Variants in NR1D2 observed in about 807,000 individuals in gnomAD.
NR1D2 encodes nuclear receptor subfamily 1 group D member 2, also known as V-erbA-related protein 1-related.
NR1D2 carries 25 observed loss-of-function variants against 52.2 expected under a neutral mutation model. The ratio of observed to expected loss-of-function variants is 0.48; its 90% CI spans 0.35 to 0.67. The LOEUF (loss-of-function observed/expected upper bound fraction) is 0.67. Ranked by LOEUF, NR1D2 falls within the 30% of genes least tolerant of loss-of-function variation. NR1D2 has a pLI of 0.01. For missense variants in NR1D2, 681 were observed against 707.2 expected, an observed-to-expected ratio of 0.96 and a Z score of 0.42; for synonymous variants, 259 against 230.1, an observed-to-expected ratio of 1.13 and a Z score of -1.14.
At chr3:23,959,320 A>G (rs1196670314) in intron 3 of NR1D2, among the ~76,000 whole-genome samples, 1 of 151,652 alleles carries the variant, frequency 6.6e-6, no homozygotes, top group Non-Finnish European at 1.5e-5. Context: ...TGGAATTTGT[A>G]GTGAATAAAA....
chr3:23,964,948 T>G, intron 5 of NR1D2, 29 bp from the exon 6 acceptor site: 1 of 1,474,490 alleles, frequency 6.8e-7, no homozygotes, highest in Admixed American at 2.0e-5. Flanking sequence ...TCTTAGTATT[T>G]AAGAGTTTTT....
intron 7 of NR1D2, among the ~76,000 whole-genome samples, chr3:23,970,689 A>T (rs542785439): frequency 2.6e-5 from 4 of 152,328 alleles, no homozygotes; most frequent in South Asian, 2.1e-4. Flanking sequence ...GTATGAACAT[A>T]TACAAGTACA....
At chr3:23,951,322 C>G (rs888238533) in intron 1 of NR1D2, among the ~76,000 whole-genome samples, 2 of 152,166 alleles carry the variant, frequency 1.3e-5, no homozygotes, top group African/African-American at 4.8e-5. Context: ...ACATCACTTT[C>G]TTATCTTTTA....
chr3:23,979,178 G>A lies in NR1D2; in HGVS notation c.*1759G>A, dbSNP rs985940065. On this transcript the variant is annotated 3_prime_UTR_variant, in exon 8 of 8. Coordinates refer to ENST00000312521, the MANE Select transcript of NR1D2 (RefSeq NM_005126.5). ...CACTAGTTAAGTAAGTTAAAAAAAAGTTAAACCCTCTCATTATTAAAGAGG... is the reference window on the plus strand; with the variant it reads ...CACTAGTTAAGTAAGTTAAAAAAAAATTAAACCCTCTCATTATTAAAGAGG... 1.3e-5 allele frequency: 2 copies of A among 152,050 alleles called. No homozygotes were observed. The highest frequency in any genetic ancestry group is 2.9e-5 in the Non-Finnish European group (2 of 67,944). 9.4% of individuals were successfully genotyped at this position (152,050 alleles called of 1,614,324 possible). A position where few individuals can be genotyped will look rare whatever the true frequency, so the allele number is the denominator to read the frequency against.
intron 2 of NR1D2, among the ~76,000 whole-genome samples, chr3:23,955,479 A>T (rs1455819139): frequency 3.9e-5 from 6 of 152,216 alleles, no homozygotes; most frequent in African/African-American, 1.2e-4. Context: ...AAATCAGGAA[A>T]GGAAAAATCC....
At chr3:23,973,726 T>C (rs1252452938) in intron 7 of NR1D2, among the ~76,000 whole-genome samples, 1 of 152,224 alleles carries the variant, frequency 6.6e-6, no homozygotes, top group African/African-American at 2.4e-5. Context: ...ACTTAAATTT[T>C]TAAAAGCTTT....
intron 7 of NR1D2, among the ~76,000 whole-genome samples, chr3:23,970,056 A>C (rs975780129): frequency 6.6e-6 from 1 of 152,214 alleles, no homozygotes; most frequent in Non-Finnish European, 1.5e-5. Flanking sequence ...TTTAACCAAA[A>C]TATGGGGCAG....
intron 5 of NR1D2, chr3:23,963,447 G>C (rs1165180964): frequency 8.7e-7 from 1 of 1,154,432 alleles, no homozygotes; most frequent in Non-Finnish European, 1.1e-6. Context: ...AGGCTAAGTC[G>C]TTGCTTTTTT....
chr3:23,972,316 C>T (rs1362285490), intron 7 of NR1D2, among the ~76,000 whole-genome samples: 1 of 152,170 alleles, frequency 6.6e-6, no homozygotes, highest in Non-Finnish European at 1.5e-5. Context: ...ATTTGAACTC[C>T]CATTAGTCTG....
chr3:23,945,496 G>C lies in NR1D2; in HGVS notation c.-83G>C. The C allele has an allele frequency of 1.1e-6, 1 of 877,142 alleles. No individual in the cohort carries two copies. Among genetic ancestry groups the C allele is most frequent in the South Asian group, 5.4e-5 (1 of 18,470 alleles). 54.3% of individuals were successfully genotyped at this position (877,142 alleles called of 1,614,324 possible). On this transcript the variant is annotated 5_prime_UTR_variant, in exon 1 of 8. Transcript: ENST00000312521. The stretch of plus-strand genomic sequence containing the variant: ...GCGACCACCGCTGCTTCCAGCCCGG[G>C]GCGGCGCGGCGCTGAGGCGGCGGCG...
intron 6 of NR1D2, among the ~76,000 whole-genome samples, chr3:23,965,508 A>G (rs1051457661): frequency 7.3e-5 from 11 of 151,056 alleles, no homozygotes; most frequent in Non-Finnish European, 1.0e-4. Flanking sequence ...TTGGCCTCCT[A>G]AAGTGCTGGG....
chr3:23,950,902 C>CTTT (rs1181448290), intron 1 of NR1D2, among the ~76,000 whole-genome samples: 2 of 123,102 alleles, frequency 1.6e-5, no homozygotes, highest in African/African-American at 3.3e-5. Context: ...CTTTCTTTTT[C>CTTT]TTTTTTTTTT....
In NR1D2 at chr3:23,945,422, A is replaced by C; in HGVS notation, c.-157A>C. On this transcript the variant is annotated 5_prime_UTR_variant, in exon 1 of 8. Coordinates refer to ENST00000312521, the MANE Select transcript of NR1D2 (RefSeq NM_005126.5). ...CTCGCTGCAGCCTGCTGTGCGCTGC[A>C]CGGCCTGGGGCCCGGGAGCCCCGCC... is the stretch of plus-strand genomic sequence containing the variant. The C allele has an allele frequency of 9.1e-6, 2 of 219,842 alleles. No homozygotes were observed. The highest frequency in any genetic ancestry group is 1.6e-5 in the Non-Finnish European group (2 of 123,412). 13.6% of individuals were successfully genotyped at this position (219,842 alleles called of 1,614,324 possible).
At chr3:23,955,380 A>C (rs986596682) in intron 2 of NR1D2, among the ~76,000 whole-genome samples, 2 of 152,236 alleles carry the variant, frequency 1.3e-5, no homozygotes, top group Admixed American at 1.3e-4. Flanking sequence ...CATATCTGGT[A>C]TAAAGTAACT....
chr3:23,977,462 T>C lies in NR1D2; in HGVS notation c.*43T>C. ...ACATGAACTGATGGTAACTGTACAT[T>C]TTGTGCTAAAATGCATATTTATATG... On this transcript the variant is annotated 3_prime_UTR_variant, in exon 8 of 8. Coordinates refer to ENST00000312521, the MANE Select transcript of NR1D2 (RefSeq NM_005126.5). The C allele has an allele frequency of 7.3e-7, 1 of 1,370,372 alleles. No individual in the cohort carries two copies. The allele number at this position is 1,370,372 out of a possible 1,614,324, so 84.9% of individuals were successfully genotyped here.
intron 3 of NR1D2, among the ~76,000 whole-genome samples, chr3:23,957,752 G>A (rs987485943): frequency 5.3e-5 from 8 of 151,850 alleles, no homozygotes; most frequent in Non-Finnish European, 7.4e-5. Context: ...GTAATATTGG[G>A]GAAGGCATTA....
At chr3:23,964,329 G>A (rs1196897496) in intron 5 of NR1D2, among the ~76,000 whole-genome samples, 5 of 152,010 alleles carry the variant, frequency 3.3e-5, no homozygotes, top group South Asian at 2.1e-4. Context: ...CGCCTGCCTC[G>A]GTCTCCCAAA....
chr3:23,964,234 C>T lies in NR1D2; in HGVS notation c.1147-743C>T, dbSNP rs565368465. On this transcript the variant is annotated intron_variant, in intron 5 of 7. Coordinates refer to ENST00000312521, the MANE Select transcript of NR1D2 (RefSeq NM_005126.5). Reference sequence around the variant, plus strand: ...CTGGGACTACAGGCGCAAGCCACCACGTCTGGCTAATTTTTTTAATTGTTG... The same window carrying T: ...CTGGGACTACAGGCGCAAGCCACCATGTCTGGCTAATTTTTTTAATTGTTG... Among the ~76,000 whole-genome samples, 11 of 152,166 alleles carry T rather than the reference C, an allele frequency of 7.2e-5. 1 individual carries two copies. The South Asian group carries it at 2.3e-3, about 32-fold the overall frequency.
At chr3:23,971,779 C>CT (rs1706597255) in intron 7 of NR1D2, among the ~76,000 whole-genome samples, 1 of 152,028 alleles carries the variant, frequency 6.6e-6, no homozygotes, top group Admixed American at 6.5e-5. Flanking sequence ...TCTTTGTACT[C>CT]TGACTTCGCT....
Sources: allele counts gnomAD v4.1 joint callset (sites outside exome capture counted in the v4.1 genomes callset), GRCh38; gene constraint gnomAD v4.1.1; transcripts MANE v1.5; gene names NCBI Gene and HGNC (gene_info 2026-07-23, HGNC 2026-07-21).